RBFOX1: variants seen among roughly 807,000 people sequenced by gnomAD.
RBFOX1 encodes RNA binding fox-1 homolog 1, also known as RNA binding protein fox-1 homolog 1.
A neutral mutation model predicts 57.7 loss-of-function variants in RBFOX1; 8 were observed. That is an observed-to-expected ratio of 0.14 (90% CI 0.08 to 0.25). The LOEUF is 0.25. Ranked by LOEUF, RBFOX1 falls within the 10% of genes least tolerant of loss-of-function variation. RBFOX1 has a pLI of 1.00. For missense variants in RBFOX1, 611 were observed against 548.5 expected, an observed-to-expected ratio of 1.11 and a Z score of -1.14; for synonymous variants, 326 against 222.4, an observed-to-expected ratio of 1.47 and a Z score of -4.15.
At chr16:5,855,881 TAA>T (rs2057013552) in intron 3 of RBFOX1, among the ~76,000 whole-genome samples, 2 of 151,486 alleles carry the variant, frequency 1.3e-5, no homozygotes, top group Admixed American at 6.6e-5. Context: ...TTATCTGTCT[TAA>T]GTTTCCTTCA....
At chr16:5,733,913 T>C (rs908115456) in intron 3 of RBFOX1, among the ~76,000 whole-genome samples, 50 of 152,230 alleles carry the variant, frequency 3.3e-4, no homozygotes, top group African/African-American at 1.2e-3. Flanking sequence ...TATTCTGCCC[T>C]ACCCCACCCT....
chr16:6,851,190 A>T (rs149797065), intron 3 of RBFOX1, among the ~76,000 whole-genome samples: 19 of 152,342 alleles, frequency 1.2e-4, no homozygotes, highest in African/African-American at 4.6e-4. Context: ...TAAAGGTTAC[A>T]TACAAAATGA....
intron 3 of RBFOX1, among the ~76,000 whole-genome samples, chr16:7,009,580 G>A (rs1031740946): frequency 3.3e-5 from 5 of 152,108 alleles, no homozygotes; most frequent in African/African-American, 4.8e-5. Context: ...CAGCAGTAAC[G>A]ATGCCACATC....
intron 4 of RBFOX1, among the ~76,000 whole-genome samples, chr16:7,466,060 C>G (rs1025355378): frequency 6.6e-5 from 10 of 152,238 alleles, no homozygotes; most frequent in South Asian, 4.1e-4. Flanking sequence ...TGGAGTAAAC[C>G]TGCTCAGAGA....
At chr16:5,774,019 G>A (rs937092689) in intron 3 of RBFOX1, among the ~76,000 whole-genome samples, 1 of 152,086 alleles carries the variant, frequency 6.6e-6, no homozygotes, top group African/African-American at 2.4e-5. Flanking sequence ...AATCGATACT[G>A]CCCATTTGCC....
intron 4 of RBFOX1, among the ~76,000 whole-genome samples, chr16:7,489,859 C>G (rs1808592421): frequency 1.3e-5 from 2 of 152,054 alleles, no homozygotes; most frequent in Admixed American, 6.5e-5. Flanking sequence ...CTTTCGCACA[C>G]CAAGATAACA....
intron 3 of RBFOX1, among the ~76,000 whole-genome samples, chr16:6,857,253 A>T (rs1475808651): frequency 6.6e-6 from 1 of 152,142 alleles, no homozygotes; most frequent in African/African-American, 2.4e-5. Context: ...ATAACTCCCC[A>T]ATCTCTAAAT....
intron 4 of RBFOX1, among the ~76,000 whole-genome samples, chr16:7,349,587 G>C (rs959065875): frequency 2.6e-5 from 4 of 151,902 alleles, no homozygotes; most frequent in Admixed American, 1.3e-4. Context: ...CGTTTTGATA[G>C]CTGACCCTCA....
intron 5 of RBFOX1, among the ~76,000 whole-genome samples, chr16:7,569,565 T>C (rs978473248): frequency 6.6e-6 from 1 of 152,208 alleles, no homozygotes; most frequent in African/African-American, 2.4e-5. Context: ...TTTATGGTCA[T>C]GTGATTAGCA....
chr16:7,042,498 A>T (rs1257450325), intron 3 of RBFOX1, among the ~76,000 whole-genome samples: 2 of 152,248 alleles, frequency 1.3e-5, no homozygotes, highest in African/African-American at 4.8e-5. Flanking sequence ...CAGCTAATGA[A>T]ATCAATTGTC....
intron 14 of RBFOX1, among the ~76,000 whole-genome samples, chr16:7,707,405 G>T (rs1283928174): frequency 1.3e-5 from 2 of 152,162 alleles, no homozygotes; most frequent in Non-Finnish European, 2.9e-5. Flanking sequence ...GGGAAAACAG[G>T]AAAGGAGAGG....
At chr16:6,733,404 G>A (rs928071465) in intron 3 of RBFOX1, among the ~76,000 whole-genome samples, 1 of 152,148 alleles carries the variant, frequency 6.6e-6, no homozygotes, top group Non-Finnish European at 1.5e-5. Context: ...GCCTGTGCCT[G>A]TCAGCTGAAC....
At chr16:6,052,951 T>A (rs2095571875) in intron 1 of RBFOX1, among the ~76,000 whole-genome samples, 1 of 152,112 alleles carries the variant, frequency 6.6e-6, no homozygotes, top group African/African-American at 2.4e-5. Flanking sequence ...GTTCATCATC[T>A]TACTGTTGTT....
intron 4 of RBFOX1, among the ~76,000 whole-genome samples, chr16:5,880,497 A>T (rs1454824901): frequency 6.6e-6 from 1 of 152,230 alleles, no homozygotes; most frequent in African/African-American, 2.4e-5. Flanking sequence ...TCTGCATCGT[A>T]TTTCAATCTT....
chr16:7,609,118 G>T (rs1173153248), intron 10 of RBFOX1, among the ~76,000 whole-genome samples: 1 of 152,188 alleles, frequency 6.6e-6, no homozygotes, highest in African/African-American at 2.4e-5. Context: ...TCCGCAGCAG[G>T]CACTGCCCAT....
At chr16:5,299,966 A>G (rs1046183727) in intron 1 of RBFOX1, among the ~76,000 whole-genome samples, 1 of 150,884 alleles carries the variant, frequency 6.6e-6, no homozygotes, top group African/African-American at 2.4e-5. Flanking sequence ...GTTTCCTTTT[A>G]TTCCTAGTTT....
intron 4 of RBFOX1, among the ~76,000 whole-genome samples, chr16:7,225,377 G>C (rs1314462634): frequency 2.6e-5 from 4 of 152,106 alleles, no homozygotes; most frequent in Non-Finnish European, 5.9e-5. Context: ...AGATCTGATG[G>C]TTTTGTAAGG....
downstream of RBFOX1, among the ~76,000 whole-genome samples, chr16:5,603,352 T>A (rs1433968882): frequency 6.6e-6 from 1 of 152,108 alleles, no homozygotes; most frequent in East Asian, 1.9e-4. Context: ...ATGGGGAAAC[T>A]GAGGCTCAGA....
intron 4 of RBFOX1, among the ~76,000 whole-genome samples, chr16:7,189,508 C>T (rs992976599): frequency 6.7e-6 from 1 of 148,826 alleles, no homozygotes; most frequent in African/African-American, 2.5e-5. Flanking sequence ...GTATTCTCTC[C>T]AGTTTAGAAT....
Sources: gnomAD v4.1 joint callset for allele counts (sites outside exome capture counted in the v4.1 genomes callset) on GRCh38, gnomAD v4.1.1 for gene constraint, MANE v1.5 for transcripts, NCBI Gene and HGNC (gene_info 2026-07-23, HGNC 2026-07-21) for gene names.